Variants in PCNT observed in about 807,000 individuals in gnomAD.
PCNT encodes the protein pericentrin.
Under a neutral mutation model 380.4 loss-of-function variants are expected in PCNT, and 319 were observed. The ratio of observed to expected loss-of-function variants is 0.84; its 90% CI spans 0.77 to 0.92. The LOEUF is 0.92. PCNT is among the 40% of genes least tolerant of loss of function. PCNT has a pLI of 0.00. For synonymous variants in PCNT, 1,845 were observed against 1,735.2 expected (o/e 1.06, Z -1.57); for missense variants, 4,400 against 4,255.3 (o/e 1.03, Z -0.95).
intron 20 of PCNT, 96 bp from the exon 21 acceptor site, chr21:46,391,068 C>A: frequency 7.9e-7 from 1 of 1,273,308 alleles, no homozygotes; most frequent in Non-Finnish European, 1.1e-6. Flanking sequence ...AGCTCTGCTG[C>A]TCTCAGGGGC....
rs377311069 is a variant in PCNT, at chr21:46,445,713, TAAAAAC to T, written c.*391_*396del. 141 of 191,866 alleles carry T rather than the reference TAAAAAC, an allele frequency of 7.3e-4. No homozygotes were observed. Among genetic ancestry groups the T allele is most frequent in the Non-Finnish European group, 1.3e-3 (124 of 92,740 alleles). 11.9% of individuals were successfully genotyped at this position (191,866 alleles called of 1,614,324 possible). On this transcript the variant is annotated 3_prime_UTR_variant, in exon 47 of 47. Transcript: ENST00000359568. The stretch of plus-strand genomic sequence containing the variant: ...TACAGATGGAAACTTCATTTAAAAA[TAAAAAC>T]AAAACAACTCAAAAAGGAATAAAAT...
rs2086774521 is a variant in PCNT, at chr21:46,411,269, A to G, written c.5196A>G (p.Gln1732=). The change falls in exon 28 of 47, where the codon CAA becomes CAG. Residue 1732 remains glutamine (Q), a synonymous_variant. Transcript: ENST00000359568. ...ENLQENQKRL[Q]KEKAEEIEQL... ...TGCAAGAGAATCAGAAACGATTACA[A>G]AAGGAGAAAGCAGAGGAAATTGAAC... is the stretch of plus-strand genomic sequence containing the variant. 6.2e-7 allele frequency: 1 copy of G among 1,614,218 alleles called. No homozygotes were observed. The highest frequency in any genetic ancestry group is 8.5e-7 in the Non-Finnish European group (1 of 1,180,038).
intron 27 of PCNT, 110 bp downstream of exon 27, chr21:46,402,593 C>T: frequency 2.6e-6 from 3 of 1,159,646 alleles, no homozygotes; most frequent in Non-Finnish European, 3.9e-6. Context: ...TCACAGACGC[C>T]CGTGGCCCCC....
intron 29 of PCNT, among the ~76,000 whole-genome samples, chr21:46,415,355 G>A (rs575524839): frequency 2.8e-5 from 4 of 142,734 alleles, no homozygotes; most frequent in South Asian, 2.2e-4. Flanking sequence ...TGACAGGAAC[G>A]TTTCTTTGAA....
rs369695941 is a variant in PCNT at position 46,386,290 on chromosome 21, C to A, written c.3464+307C>A. On this transcript the variant is annotated intron_variant, in intron 17 of 46. Coordinates refer to ENST00000359568, the MANE Select transcript of PCNT (RefSeq NM_006031.6). Reference sequence around the variant, plus strand: ...ATCTCCCACACAGAGCCCGACCCCTCCCCTTTAGTGTCTGCGTCCCCGCAG... The same window carrying A: ...ATCTCCCACACAGAGCCCGACCCCTACCCTTTAGTGTCTGCGTCCCCGCAG... 6.9e-3 allele frequency among the ~76,000 whole-genome samples: 1,058 copies of A among 152,380 alleles called. 5 individuals carry two copies. The highest frequency in any genetic ancestry group is 0.01 in the Non-Finnish European group (702 of 68,032).
chr21:46,431,103 TG>T (rs1490038070), intron 37 of PCNT: 1 of 985,166 alleles, frequency 1.0e-6, no homozygotes, highest in Non-Finnish European at 1.2e-6. Flanking sequence ...ATGGAAGTGG[TG>T]GTTCCTAGCA....
Position 46,356,913 on chromosome 21 carries a change from T to C in PCNT, c.1937-61T>C, listed in dbSNP as rs1004579674. ...AGGTTGCCGTTCTGCCTGTGCGGACTGTGGGCTCCATCGAGGGCCGGCACC... is the reference window on the plus strand; with the variant it reads ...AGGTTGCCGTTCTGCCTGTGCGGACCGTGGGCTCCATCGAGGGCCGGCACC... On this transcript the variant is annotated intron_variant, in intron 12 of 46. Coordinates refer to ENST00000359568, the MANE Select transcript of PCNT (RefSeq NM_006031.6). 6 of 1,442,600 alleles carry C rather than the reference T, an allele frequency of 4.2e-6. No homozygotes were observed. The African/African-American group carries it at 8.4e-5, about 20-fold the overall frequency. 89.4% of individuals were successfully genotyped at this position (1,442,600 alleles called of 1,614,324 possible).
intron 35 of PCNT, 96 bp from the exon 36 acceptor site, chr21:46,429,914 C>G: frequency 3.2e-6 from 3 of 929,314 alleles, no homozygotes; most frequent in Non-Finnish European, 5.1e-6. Context: ...GAAGCACATA[C>G]ACCTCACGCC....
At position 46,440,205 on chromosome 21, in the gene PCNT, A is replaced by G; in HGVS notation, c.9393+3A>G. ...AAGCACACACCAGCAATGTCAAGGT[A>G]GGAACGGTGCCACGAGTATAGAACT... On this transcript the variant is annotated splice_donor_region_variant and intron_variant, in intron 42 of 46. Coordinates refer to ENST00000359568, the MANE Select transcript of PCNT (RefSeq NM_006031.6). 1 of 1,614,074 alleles carries G rather than the reference A, an allele frequency of 6.2e-7. No individual in the cohort carries two copies. The highest frequency in any genetic ancestry group is 8.5e-7 in the Non-Finnish European group (1 of 1,180,028).
intron 14 of PCNT, among the ~76,000 whole-genome samples, chr21:46,364,213 G>C (rs894105850): frequency 1.3e-5 from 2 of 151,096 alleles, no homozygotes; most frequent in Non-Finnish European, 1.5e-5. Context: ...CCGTCCCGGA[G>C]CCCCCTGGCC....
chr21:46,333,827 A>T (rs1250363609), intron 2 of PCNT, among the ~76,000 whole-genome samples: 8 of 148,638 alleles, frequency 5.4e-5, no homozygotes, highest in Non-Finnish European at 1.0e-4. Flanking sequence ...ACAGAGCAAG[A>T]CTCCGTCTCA....
Position 46,346,750 on chromosome 21 carries a change from A to G in PCNT, c.728A>G (p.His243Arg), listed in dbSNP as rs750139282. The change falls in exon 5 of 47, where the codon CAT becomes CGT. Residue 243 changes from histidine (H) to arginine (R), a missense_variant. Coordinates refer to ENST00000359568, the MANE Select transcript of PCNT (RefSeq NM_006031.6). The stretch of plus-strand genomic sequence containing the variant: ...GCCTTTTCTCCGCCGCAGGCCGTGC[A>G]TGGCCTTGAGCTGGAGGCGCTGCGC... ...EAGLHQSQAV[H>R]GLELEALRLS... 8.1e-6 allele frequency: 13 copies of G among 1,597,770 alleles called. No homozygotes were observed. The South Asian group carries it at 9.1e-5, about 11-fold the overall frequency.
chr21:46,367,828 C>G (rs1002915455), intron 15 of PCNT, among the ~76,000 whole-genome samples: 1 of 82,342 alleles, frequency 1.2e-5, no homozygotes, highest in South Asian at 3.7e-4. Context: ...GAGCCTTGGT[C>G]CCCTCCTTTT....
At chr21:46,329,322 G>C (rs1210937736) in intron 2 of PCNT, among the ~76,000 whole-genome samples, 1 of 152,166 alleles carries the variant, frequency 6.6e-6, no homozygotes, top group African/African-American at 2.4e-5. Context: ...AAGATGATCT[G>C]ATGAAAAGCA....
rs780203417 is a variant in PCNT at position 46,391,277 on chromosome 21, CAGCAGGCGGCCCAGG to C, written c.4128_4142del (p.Gln1377_Ala1381del). 4 of 1,590,618 alleles carry C rather than the reference CAGCAGGCGGCCCAGG, an allele frequency of 2.5e-6. No individual in the cohort carries two copies. In the African/African-American group the frequency reaches 5.4e-5, roughly 21 times the overall value. ...GCTGGAGAGCCTGAGACGGCAGCTG[CAGCAGGCGGCCCAGG>C]AGCAGGCGGCGCTGAGGGAGGAGTG... On this transcript the variant is annotated inframe_deletion, in exon 21 of 47. Coordinates refer to ENST00000359568, the MANE Select transcript of PCNT (RefSeq NM_006031.6).
At chr21:46,415,488 C>T (rs1187797343) in intron 29 of PCNT, among the ~76,000 whole-genome samples, 1 of 142,260 alleles carries the variant, frequency 7.0e-6, no homozygotes, top group African/African-American at 2.6e-5. Flanking sequence ...TGGGTTCAAG[C>T]AATTCACTGC....
intron 3 of PCNT, among the ~76,000 whole-genome samples, chr21:46,335,792 T>C (rs2083716787): frequency 6.6e-6 from 1 of 151,708 alleles, no homozygotes; most frequent in African/African-American, 2.4e-5. Context: ...TTCAAGCGAT[T>C]CTCCTGCCTC....
Position 46,418,227 on chromosome 21 carries a change from C to G in PCNT, c.6945C>G (p.Ile2315Met), listed in dbSNP as rs761233171. The G allele has an allele frequency of 3.1e-6, 5 of 1,604,304 alleles. No homozygotes were observed. The highest frequency in any genetic ancestry group is 4.3e-6 in the Non-Finnish European group (5 of 1,171,236). ...AGGAGAAAGATGTCGAAGATTTTAT[C>G]ACAACATCCTTTGATTCTCAAGAAA... ...TAVEKDVEDF[I>M]TTSFDSQETL... is the part of the protein sequence containing the mutation. Residue 2315 changes from isoleucine (I) to methionine (M), a missense_variant, in exon 31 of 47, where the codon ATC becomes ATG. Transcript: ENST00000359568.
At chr21:46,397,973 G>GA (rs1327076361) in intron 22 of PCNT, 41 bp from the exon 23 acceptor site, 1 of 1,497,718 alleles carries the variant, frequency 6.7e-7, no homozygotes, top group Admixed American at 1.9e-5. Flanking sequence ...GGGCACGCCA[G>GA]CCCCGTTGGG....
Sources: gnomAD v4.1 joint callset for allele counts (sites outside exome capture counted in the v4.1 genomes callset) on GRCh38, gnomAD v4.1.1 for gene constraint, MANE v1.5 for transcripts, NCBI Gene and HGNC (gene_info 2026-07-23, HGNC 2026-07-21) for gene names.